The following VPS13D variants were observed in gnomAD, a reference collection of about 807,000 sequenced individuals.
The protein encoded by VPS13D is intermembrane lipid transfer protein VPS13D.
In VPS13D, 187 loss-of-function variants were observed where a neutral mutation model predicts 461.9. The observed-to-expected ratio is 0.40, with a 90% CI of 0.36 to 0.46. The LOEUF (loss-of-function observed/expected upper bound fraction) is 0.46, where lower values mean the gene tolerates loss of function less well. VPS13D is among the 20% of genes least tolerant of loss of function. The pLI, the probability that VPS13D is intolerant of heterozygous loss-of-function variation, is 0.60. For missense variants in VPS13D, 4,711 were observed against 5,364.9 expected (o/e 0.88, Z 3.81); for synonymous variants, 1,951 against 1,986.3 (o/e 0.98, Z 0.47).
At chr1:12,448,308 A>G (rs554909050) in intron 65 of VPS13D, among the ~76,000 whole-genome samples, 3 of 152,168 alleles carry the variant, frequency 2.0e-5, no homozygotes, top group African/African-American at 4.8e-5. Flanking sequence ...TTCCTGCATT[A>G]TAATCTATCT....
chr1:12,253,651 G>A (rs1467053835), intron 6 of VPS13D, 71 bp from the exon 7 acceptor site: 21 of 1,203,810 alleles, frequency 1.7e-5, no homozygotes, highest in Admixed American at 1.0e-4. Context: ...TTTACAAATG[G>A]TTTGTTGAAT....
chr1:12,351,589 C>CCTTTATCAA (rs1401850643), intron 46 of VPS13D, among the ~76,000 whole-genome samples: 2 of 149,704 alleles, frequency 1.3e-5, no homozygotes, highest in Admixed American at 6.7e-5. Flanking sequence ...CGTGCCCAGC[C>CCTTTATCAA]AAGTTTTTCT....
Position 12,276,002 on chromosome 1 carries a change from A to G in VPS13D, c.2414A>G (p.Gln805Arg). 1 of 1,613,914 alleles carries G rather than the reference A, an allele frequency of 6.2e-7. No individual in the cohort carries two copies. Among genetic ancestry groups the G allele is most frequent in the Non-Finnish European group, 8.5e-7 (1 of 1,180,010 alleles). ...GTTGAGTTCAGTGAAGAACAGCTTC[A>G]AGCACATTTAATGAGCACAAAGATG... is the stretch of plus-strand genomic sequence containing the variant. ...SGVEFSEEQL[Q>R]AHLMSTKMYE... Residue 805 changes from glutamine to arginine, a missense_variant, in exon 19 of 70, where the codon CAA becomes CGA. Gln to Arg is a conservative substitution (Grantham distance 43). Around this residue, in one of 3 missense-constraint regions of VPS13D, gnomAD observed 4,411 missense variants for 4,937.8 expected, o/e 0.89. Coordinates refer to ENST00000620676, the MANE Select transcript of VPS13D (RefSeq NM_015378.4). The surrounding 1 kb of genome is among the most constrained non-coding windows in gnomAD (Gnocchi z 4.5).
At position 12,400,162 on chromosome 1, in the gene VPS13D, T is replaced by C. The variant is rs1644556242; in HGVS notation, c.11635-19T>C. On this transcript the variant is annotated intron_variant, in intron 60 of 69. Transcript: ENST00000620676. ...TGGTCTGTTTTTGTTTTTGCTTTGC[T>C]ACCTTTCCATGGCCGTAGGTGGACA... is the stretch of plus-strand genomic sequence containing the variant. 6.2e-7 allele frequency: 1 copy of C among 1,609,336 alleles called. No individual in the cohort carries two copies. The highest frequency in any genetic ancestry group is 8.5e-7 in the Non-Finnish European group (1 of 1,177,172).
chr1:12,382,918 C>T (rs1570055441), intron 57 of VPS13D, 58 bp from the exon 58 acceptor site: 1 of 1,512,988 alleles, frequency 6.6e-7, no homozygotes, highest in South Asian at 1.2e-5. Flanking sequence ...GATGTGTTAA[C>T]TTGTCAAAGT....
intron 30 of VPS13D, among the ~76,000 whole-genome samples, chr1:12,317,817 T>C (rs1415505984): frequency 6.6e-6 from 1 of 152,210 alleles, no homozygotes; most frequent in Non-Finnish European, 1.5e-5. Context: ...TGAGCTATAC[T>C]ACCTATGCTG....
At chr1:12,380,592 A>G (rs1644260282) in intron 57 of VPS13D, among the ~76,000 whole-genome samples, 1 of 152,234 alleles carries the variant, frequency 6.6e-6, no homozygotes. Context: ...GAATGAGAAC[A>G]GGGGTCTGAG....
intron 1 of VPS13D, among the ~76,000 whole-genome samples, chr1:12,233,286 G>A (rs1340907749): frequency 6.6e-6 from 1 of 152,126 alleles, no homozygotes; most frequent in African/African-American, 2.4e-5. Flanking sequence ...GACTCCAGGC[G>A]TGAGCCACCA....
intron 65 of VPS13D, among the ~76,000 whole-genome samples, chr1:12,453,027 A>G (rs1645282770): frequency 1.3e-5 from 2 of 152,208 alleles, no homozygotes; most frequent in Non-Finnish European, 2.9e-5. Flanking sequence ...AGAATCCAGC[A>G]TTAGAGGGAA....
In VPS13D at chr1:12,268,776, G is replaced by T; in HGVS notation, c.1872G>T (p.Arg624Ser). Residue 624 changes from arginine to serine, a missense_variant, in exon 16 of 70, where the codon AGG becomes AGT. By Grantham distance (110) the Arg-to-Ser change is moderately radical (BLOSUM62 -1). Transcript: ENST00000620676. Reference protein sequence around the residue: ...ERNPAHSHFERRLNVSTRPLN... With the variant: ...ERNPAHSHFESRLNVSTRPLN... ...ATCCGGCGCACAGCCACTTTGAGAGGCGGCTCAATGTCAGCACAAGGCCCT... is the reference window on the plus strand; with the variant it reads ...ATCCGGCGCACAGCCACTTTGAGAGTCGGCTCAATGTCAGCACAAGGCCCT... 2 of 1,614,076 alleles carry T rather than the reference G, an allele frequency of 1.2e-6. No individual in the cohort carries two copies. The highest frequency in any genetic ancestry group is 1.7e-6 in the Non-Finnish European group (2 of 1,180,008).
At chr1:12,419,731 T>C (rs1279778945) in intron 65 of VPS13D, among the ~76,000 whole-genome samples, 1 of 152,154 alleles carries the variant, frequency 6.6e-6, no homozygotes, top group African/African-American at 2.4e-5. Flanking sequence ...GCTCCAACAT[T>C]GGGGATTATA....
chr1:12,487,759 C>G (rs189523995), intron 67 of VPS13D, among the ~76,000 whole-genome samples: 1 of 152,092 alleles, frequency 6.6e-6, no homozygotes, highest in Admixed American at 6.5e-5. Context: ...TTAGGACACA[C>G]GCCTCCCCCA....
chr1:12,472,232 G>A (rs1645572146), intron 67 of VPS13D, among the ~76,000 whole-genome samples: 1 of 152,132 alleles, frequency 6.6e-6, no homozygotes, highest in African/African-American at 2.4e-5. Flanking sequence ...TAAAGATGAG[G>A]CACTAAAAAG....
chr1:12,266,611 C>G (rs935017710), intron 13 of VPS13D, among the ~76,000 whole-genome samples: 2 of 152,346 alleles, frequency 1.3e-5, no homozygotes, highest in South Asian at 4.1e-4. Context: ...TGTATAGTGT[C>G]AACATCACTT....
Position 12,276,629 on chromosome 1 carries a change from C to G in VPS13D, c.3041C>G (p.Ala1014Gly). 1.2e-6 allele frequency: 2 copies of G among 1,614,132 alleles called. 1 individual carries two copies. The highest frequency in any genetic ancestry group is 2.2e-5 in the South Asian group (2 of 91,084). ...GTGGATACCATGCAGACATATGGTG[C>G]TGATTTTGACCTTTTGATGGCTTCA... ...LLVDTMQTYG[A>G]DFDLLMASHK... The change falls in exon 19 of 70, where the codon GCT becomes GGT. Residue 1014 changes from alanine (A) to glycine (G), a missense_variant. Ala to Gly is a moderately conservative substitution (Grantham distance 60). Transcript: ENST00000620676. The surrounding 1 kb of genome is among the most constrained non-coding windows in gnomAD (Gnocchi z 4.5).
intron 13 of VPS13D, among the ~76,000 whole-genome samples, chr1:12,265,459 A>G (rs2101308496): frequency 6.6e-6 from 1 of 152,316 alleles, no homozygotes; most frequent in Admixed American, 6.5e-5. Context: ...TATTCAAGAA[A>G]TACATTGCAT....
At chr1:12,438,378 C>T (rs1377955209) in intron 65 of VPS13D, among the ~76,000 whole-genome samples, 2 of 152,112 alleles carry the variant, frequency 1.3e-5, no homozygotes, top group African/African-American at 2.4e-5. Flanking sequence ...AATCAGACAC[C>T]GAATCTGCTG....
At chr1:12,417,937 TG>T (rs2100242750) in intron 65 of VPS13D, among the ~76,000 whole-genome samples, 1 of 152,274 alleles carries the variant, frequency 6.6e-6, no homozygotes, top group East Asian at 1.9e-4. Context: ...GACAGAGTCT[TG>T]GTCTGTCGCC....
intron 16 of VPS13D, 47 bp downstream of exon 16, chr1:12,268,923 CT>C (rs1641354076): frequency 1.3e-6 from 2 of 1,576,126 alleles, no homozygotes; most frequent in East Asian, 4.5e-5. Flanking sequence ...TGAAAAACAT[CT>C]TTATTGTTAT....
Sources: allele counts gnomAD v4.1 joint callset (sites outside exome capture counted in the v4.1 genomes callset), GRCh38; gene constraint gnomAD v4.1.1; regional missense constraint gnomAD v4.1.1; non-coding constraint Gnocchi (gnomAD v3.1); transcripts MANE v1.5; gene names NCBI Gene and HGNC (gene_info 2026-07-23, HGNC 2026-07-21).